The following GALNTL6 variants were observed in gnomAD, a reference collection of about 807,000 sequenced individuals.
GALNTL6 encodes polypeptide N-acetylgalactosaminyltransferase like 6, also known as polypeptide N-acetylgalactosaminyltransferase-like 6.
Under a neutral mutation model 73.7 loss-of-function variants are expected in GALNTL6, and 46 were observed. The observed-to-expected ratio is 0.62, with a 90% CI of 0.49 to 0.80. The LOEUF is 0.80. GALNTL6 is among the 30% of genes least tolerant of loss of function. The pLI, the probability that GALNTL6 is intolerant of heterozygous loss-of-function variation, is 0.00. For synonymous variants in GALNTL6, 259 were observed against 263.7 expected (o/e 0.98, Z 0.17); for missense variants, 604 against 755.0 (o/e 0.80, Z 2.34).
At chr4:172,123,948 T>A (rs1733223114) in intron 2 of GALNTL6, among the ~76,000 whole-genome samples, 1 of 152,224 alleles carries the variant, frequency 6.6e-6, no homozygotes, top group Non-Finnish European at 1.5e-5. Flanking sequence ...CCTTTGACCT[T>A]AAAGTTACTA....
At chr4:172,556,215 C>A (rs1217350039) in intron 5 of GALNTL6, among the ~76,000 whole-genome samples, 2 of 151,958 alleles carry the variant, frequency 1.3e-5, no homozygotes, top group Non-Finnish European at 2.9e-5. Context: ...TACAAAATAT[C>A]TTTAGAACAT....
intron 5 of GALNTL6, among the ~76,000 whole-genome samples, chr4:172,607,365 G>A (rs1401115485): frequency 6.6e-6 from 1 of 152,056 alleles, no homozygotes; most frequent in Non-Finnish European, 1.5e-5. Context: ...TCAATGTTTA[G>A]CTCCCACATA....
intron 5 of GALNTL6, among the ~76,000 whole-genome samples, chr4:172,614,092 CTCTG>C (rs1034454142): frequency 6.6e-6 from 1 of 152,046 alleles, no homozygotes; most frequent in Non-Finnish European, 1.5e-5. Flanking sequence ...AGCTGTCTTT[CTCTG>C]TCTTTCTCTC....
At chr4:171,969,443 G>A (rs976244263) in intron 2 of GALNTL6, among the ~76,000 whole-genome samples, 1 of 152,148 alleles carries the variant, frequency 6.6e-6, no homozygotes, top group Non-Finnish European at 1.5e-5. Flanking sequence ...TGAATTAATT[G>A]CTTAGTTAAT....
chr4:172,982,369 C>T (rs965649934), intron 10 of GALNTL6, among the ~76,000 whole-genome samples: 1 of 152,134 alleles, frequency 6.6e-6, no homozygotes, highest in South Asian at 2.1e-4. Context: ...GAACTGTGCC[C>T]TTAACGTGAT....
At chr4:172,889,467 G>T (rs1041224999) in intron 8 of GALNTL6, among the ~76,000 whole-genome samples, 40 of 152,110 alleles carry the variant, frequency 2.6e-4, no homozygotes, top group Non-Finnish European at 4.4e-5. Context: ...ATCATGAAAG[G>T]ATAATGGGAT....
intron 5 of GALNTL6, among the ~76,000 whole-genome samples, chr4:172,585,951 G>A (rs574712547): frequency 2.5e-4 from 38 of 152,122 alleles, no homozygotes; most frequent in Non-Finnish European, 4.7e-4. Context: ...AAATCAAAAC[G>A]ACAATGAGAC....
rs558951325 is a variant in GALNTL6, at chr4:171,966,045, C to T, written c.138+151327C>T. 2.0e-5 allele frequency among the ~76,000 whole-genome samples: 3 copies of T among 152,258 alleles called. No individual in the cohort carries two copies. The South Asian group carries it at 6.2e-4, about 32-fold the overall frequency. On this transcript the variant is annotated intron_variant, in intron 2 of 12. Coordinates refer to ENST00000506823, the MANE Select transcript of GALNTL6 (RefSeq NM_001034845.3). ...GTGATCAGGGAGAAGGGTGTCATCT[C>T]TTATCTTTCTATGACAGATTTCTTT...
chr4:172,949,189 T>C (rs1303615188), intron 9 of GALNTL6, among the ~76,000 whole-genome samples: 2 of 152,214 alleles, frequency 1.3e-5, no homozygotes, highest in Admixed American at 6.5e-5. Context: ...ATTAATTCAA[T>C]GATTAGCATG....
intron 9 of GALNTL6, among the ~76,000 whole-genome samples, chr4:172,950,693 T>C (rs1372360255): frequency 6.6e-6 from 1 of 152,158 alleles, no homozygotes; most frequent in East Asian, 1.9e-4. Flanking sequence ...AATTAGGATT[T>C]TGTAGTCATT....
chr4:172,430,064 T>A (rs1731382624), intron 5 of GALNTL6, among the ~76,000 whole-genome samples: 1 of 151,832 alleles, frequency 6.6e-6, no homozygotes, highest in African/African-American at 2.4e-5. Context: ...TTGAGCAAAA[T>A]ATATATGTGT....
At chr4:172,114,521 T>C (rs1291385755) in intron 2 of GALNTL6, among the ~76,000 whole-genome samples, 1 of 152,004 alleles carries the variant, frequency 6.6e-6, no homozygotes, top group Non-Finnish European at 1.5e-5. Context: ...ATACTGCTAA[T>C]CAGAAACTCA....
At chr4:172,261,240 T>C (rs75167261) in intron 3 of GALNTL6, among the ~76,000 whole-genome samples, 94 of 151,600 alleles carry the variant, frequency 6.2e-4, no homozygotes, top group African/African-American at 2.1e-3. Context: ...GTCCTGGTTT[T>C]TTTTGTTGTT....
intron 4 of GALNTL6, among the ~76,000 whole-genome samples, chr4:172,345,835 T>A (rs1357368584): frequency 1.3e-5 from 2 of 152,198 alleles, no homozygotes; most frequent in Non-Finnish European, 2.9e-5. Flanking sequence ...AGATGCATTG[T>A]CAAACTGCTG....
chr4:172,171,890 C>T (rs895587446), intron 2 of GALNTL6, among the ~76,000 whole-genome samples: 2 of 152,158 alleles, frequency 1.3e-5, no homozygotes, highest in Non-Finnish European at 2.9e-5. Flanking sequence ...AGTTCCTGCT[C>T]AGCCCCAAAA....
At chr4:172,215,103 A>T (rs1192874593) in intron 2 of GALNTL6, among the ~76,000 whole-genome samples, 1 of 152,000 alleles carries the variant, frequency 6.6e-6, no homozygotes, top group Non-Finnish European at 1.5e-5. Context: ...TTTATAGTTT[A>T]ATTCCTTTAT....
chr4:172,747,629 A>G (rs1579430290), intron 5 of GALNTL6, among the ~76,000 whole-genome samples: 1 of 152,198 alleles, frequency 6.6e-6, no homozygotes, highest in Non-Finnish European at 1.5e-5. Context: ...AAAACTAAAT[A>G]AAGAATTACC....
At chr4:171,846,885 C>CATATGTATATATATATGTAT (rs1241345956) in intron 2 of GALNTL6, among the ~76,000 whole-genome samples, 53 of 122,972 alleles carry the variant, frequency 4.3e-4, no homozygotes, top group African/African-American at 1.6e-3. Context: ...ATATTATATA[C>CATATGTATATATATATGTAT]ACATAATTAT....
intron 5 of GALNTL6, among the ~76,000 whole-genome samples, chr4:172,552,734 G>A (rs1042627001): frequency 2.3e-5 from 3 of 128,148 alleles, no homozygotes; most frequent in Non-Finnish European, 3.3e-5. Context: ...TGTTAAAAGC[G>A]TTTTTTTTTT....
Sources: allele counts gnomAD v4.1 joint callset (sites outside exome capture counted in the v4.1 genomes callset), GRCh38; gene constraint gnomAD v4.1.1; transcripts MANE v1.5; gene names NCBI Gene and HGNC (gene_info 2026-07-23, HGNC 2026-07-21).